Variants in ARSG observed in about 807,000 individuals in gnomAD.
ARSG encodes arylsulfatase G.
In ARSG, 37 loss-of-function variants were observed where a neutral mutation model predicts 50.5. The ratio of observed to expected loss-of-function variants is 0.73; its 90% CI spans 0.56 to 0.96. The LOEUF is 0.96. Ranked by LOEUF, ARSG falls within the 50% of genes least tolerant of loss-of-function variation. The probability of loss-of-function intolerance (pLI) is 0.00; values close to 1 mark genes in which losing one functional copy is unlikely to be tolerated. For missense variants in ARSG, 629 were observed against 675.3 expected, an observed-to-expected ratio of 0.93 and a Z score of 0.76; for synonymous variants, 225 against 254.6, an observed-to-expected ratio of 0.88 and a Z score of 1.11.
At position 68,329,513 on chromosome 17, in the gene ARSG, G is replaced by T. The variant is rs540836322; in HGVS notation, c.219-14091G>T. 2.0e-5 allele frequency among the ~76,000 whole-genome samples: 3 copies of T among 152,290 alleles called. No homozygotes were observed. In the South Asian group the frequency reaches 6.2e-4, roughly 32 times the overall value. ...CCACATTGGACAGCTCTGGTGCCTC[G>T]AGTTGCCCCAGGCCCCACTGGCTGC... On this transcript the variant is annotated intron_variant, in intron 2 of 11. Transcript: ENST00000621439.
intron 5 of ARSG, among the ~76,000 whole-genome samples, chr17:68,353,989 A>G (rs936544563): frequency 3.5e-4 from 52 of 148,028 alleles, no homozygotes; most frequent in Admixed American, 1.7e-3. Flanking sequence ...GGCATGAGCC[A>G]CTGCACCTGG....
At chr17:68,268,089 C>A (rs540183827) in intron 1 of ARSG, 6 of 152,248 alleles carry the variant, frequency 3.9e-5, no homozygotes, top group Admixed American at 2.6e-4. Flanking sequence ...CACGTTGCCC[C>A]TAATCAAATG....
In ARSG at chr17:68,395,102, C is replaced by A; in HGVS notation, c.1121C>A (p.Ala374Asp). 2.5e-6 allele frequency: 4 copies of A among 1,614,046 alleles called. No homozygotes were observed. Among genetic ancestry groups the A allele is most frequent in the Non-Finnish European group, 3.4e-6 (4 of 1,179,930 alleles). ...SVLDIFPTVV[A>D]LAQASLPQGR... ...CTGGACATTTTTCCAACTGTGGTAG[C>A]CCTGGCCCAGGCCAGCTTACCTCAA... Residue 374 changes from alanine to aspartate, a missense_variant, in exon 10 of 12, where the codon GCC becomes GAC. Physicochemically the swap from Ala to Asp is moderately radical, Grantham distance 126 (BLOSUM62 -2). Coordinates refer to ENST00000621439, the MANE Select transcript of ARSG (RefSeq NM_001267727.2).
chr17:68,413,121 C>T (rs1369976712), intron 11 of ARSG, among the ~76,000 whole-genome samples: 1 of 152,000 alleles, frequency 6.6e-6, no homozygotes, highest in Admixed American at 6.5e-5. Context: ...TCTCTCAGCT[C>T]GTCAAAGTTA....
At chr17:68,446,811 T>C in the ARSG span, among the ~76,000 whole-genome samples, 15 of 152,156 alleles carry the variant, frequency 9.9e-5, no homozygotes, top group Non-Finnish European at 7.3e-5. Context: ...TGCATTTTTT[T>C]CCCAAGAGCT....
intron 2 of ARSG, among the ~76,000 whole-genome samples, chr17:68,317,824 C>T (rs999627993): frequency 4.6e-5 from 7 of 152,168 alleles, no homozygotes; most frequent in Admixed American, 2.6e-4. Context: ...ATTGGCCAGG[C>T]GCAGCAGCTC....
intron 1 of ARSG, among the ~76,000 whole-genome samples, chr17:68,265,834 T>C (rs1555746269): frequency 1.3e-5 from 2 of 152,108 alleles, no homozygotes; most frequent in Admixed American, 1.3e-4. Flanking sequence ...CACATTTCAG[T>C]ATCCGTAAAT....
intron 1 of ARSG, among the ~76,000 whole-genome samples, chr17:68,282,062 T>C (rs2075711629): frequency 6.6e-6 from 1 of 152,178 alleles, no homozygotes. Flanking sequence ...GTATGTTTAT[T>C]GCGGCACTAT....
intron 1 of ARSG, among the ~76,000 whole-genome samples, chr17:68,302,377 G>A (rs1380456194): frequency 6.6e-6 from 1 of 152,116 alleles, no homozygotes; most frequent in Admixed American, 6.6e-5. Context: ...TGCCAGAAAG[G>A]TCTGCCCGAC....
At chr17:68,426,337 C>T (rs2083193799), downstream of ARSG, among the ~76,000 whole-genome samples, 1 of 152,108 alleles carries the variant, frequency 6.6e-6, no homozygotes, top group South Asian at 2.1e-4. Flanking sequence ...ATAATCCTCA[C>T]CATCTGCCAT....
chr17:68,426,038 A>T (rs1363902419), downstream of ARSG: 7 of 1,579,984 alleles, frequency 4.4e-6, no homozygotes, highest in Non-Finnish European at 6.1e-6. Context: ...CTAAGCACAC[A>T]GACTGAGCCG....
the ARSG span, among the ~76,000 whole-genome samples, chr17:68,434,096 C>T: frequency 6.6e-6 from 1 of 152,040 alleles, no homozygotes; most frequent in Non-Finnish European, 1.5e-5. Context: ...TGAGAAGAAA[C>T]AAGGTATAGC....
chr17:68,355,019 G>A (rs58679674), intron 5 of ARSG, among the ~76,000 whole-genome samples: 1 of 152,170 alleles, frequency 6.6e-6, no homozygotes, highest in African/African-American at 2.4e-5. Context: ...TTAGGATGAC[G>A]TATTTGCCTG....
At chr17:68,260,540 T>C (rs1411961877) in intron 1 of ARSG, among the ~76,000 whole-genome samples, 5 of 152,210 alleles carry the variant, frequency 3.3e-5, no homozygotes, top group African/African-American at 1.2e-4. Flanking sequence ...CAGGCTGGAG[T>C]GCAGTGGCAT....
the ARSG span, among the ~76,000 whole-genome samples, chr17:68,448,592 C>T: frequency 6.6e-6 from 1 of 152,100 alleles, no homozygotes; most frequent in Non-Finnish European, 1.5e-5. Context: ...TTCCTTGTCC[C>T]ATTTGCTAAT....
At chr17:68,451,385 G>A in the ARSG span, among the ~76,000 whole-genome samples, 3 of 152,188 alleles carry the variant, frequency 2.0e-5, no homozygotes, top group African/African-American at 7.2e-5. Context: ...AGTGAGCCGA[G>A]ATCACAACAC....
intron 1 of ARSG, among the ~76,000 whole-genome samples, chr17:68,266,476 CTTTT>C (rs113055013): frequency 9.7e-6 from 1 of 102,688 alleles, no homozygotes; most frequent in African/African-American, 3.7e-5. Context: ...TATATATATA[CTTTT>C]TTTTTGTATA....
the ARSG span, among the ~76,000 whole-genome samples, chr17:68,441,727 G>A: frequency 6.6e-6 from 1 of 152,174 alleles, no homozygotes; most frequent in African/African-American, 2.4e-5. Context: ...CACAACCTCA[G>A]GTAACGCTCT....
chr17:68,363,664 T>C (rs1001145982), intron 6 of ARSG, among the ~76,000 whole-genome samples: 2 of 151,872 alleles, frequency 1.3e-5, no homozygotes, highest in Non-Finnish European at 2.9e-5. Context: ...ATGGGGTTTC[T>C]TCATGTTGGT....
Sources: gnomAD v4.1 joint callset for allele counts (sites outside exome capture counted in the v4.1 genomes callset) on GRCh38, gnomAD v4.1.1 for gene constraint, MANE v1.5 for transcripts, NCBI Gene and HGNC (gene_info 2026-07-23, HGNC 2026-07-21) for gene names.